The following LINGO2 variants were observed in gnomAD, a reference collection of about 807,000 sequenced individuals.
LINGO2 encodes the protein leucine-rich repeat and immunoglobulin-like domain-containing nogo receptor-interacting protein 2.
A neutral mutation model predicts 30.6 loss-of-function variants in LINGO2; 14 were observed. The ratio of observed to expected loss-of-function variants is 0.46; its 90% CI spans 0.30 to 0.72. The LOEUF (loss-of-function observed/expected upper bound fraction) is 0.72. Among genes scored for constraint, LINGO2 ranks in the 30% least tolerant of loss-of-function variants. The pLI, the probability that LINGO2 is intolerant of heterozygous loss-of-function variation, is 0.07. For synonymous variants in LINGO2, 317 were observed against 288.5 expected (o/e 1.10, Z -1.00); for missense variants, 729 against 751.7 (o/e 0.97, Z 0.35).
At chr9:28,973,600 C>A in the LINGO2 span, among the ~76,000 whole-genome samples, 1 of 152,164 alleles carries the variant, frequency 6.6e-6, no homozygotes, top group Non-Finnish European at 1.5e-5. Flanking sequence ...TCTTGCTCCC[C>A]CTTTGCTTCT....
chr9:28,479,933 A>G (rs1205871143), intron 1 of LINGO2, among the ~76,000 whole-genome samples: 45 of 120,458 alleles, frequency 3.7e-4, no homozygotes, highest in African/African-American at 1.7e-3. Context: ...ATATATATAT[A>G]TATATATATA....
chr9:27,987,285 C>T (rs1236399078), intron 5 of LINGO2, among the ~76,000 whole-genome samples: 1 of 151,660 alleles, frequency 6.6e-6, no homozygotes, highest in African/African-American at 2.4e-5. Context: ...TCCCTCCCTC[C>T]CGTCTTTCCT....
chr9:28,954,789 A>T, the LINGO2 span, among the ~76,000 whole-genome samples: 1 of 152,184 alleles, frequency 6.6e-6, no homozygotes, highest in Non-Finnish European at 1.5e-5. Context: ...TGTTTCTAGG[A>T]ACTTGAGTAT....
the LINGO2 span, among the ~76,000 whole-genome samples, chr9:28,893,730 CT>C: frequency 0.85 from 128,959 of 151,428 alleles, 55,086 homozygotes; most frequent in Non-Finnish European, 0.89. Context: ...GTTATTCACA[CT>C]TTTTTTTAAT....
At chr9:28,295,998 G>C (rs1470405157) in intron 3 of LINGO2, among the ~76,000 whole-genome samples, 2 of 152,148 alleles carry the variant, frequency 1.3e-5, no homozygotes, top group Non-Finnish European at 2.9e-5. Flanking sequence ...TACTGTAAGA[G>C]AGTAACCAAT....
At chr9:28,882,813 T>C in the LINGO2 span, among the ~76,000 whole-genome samples, 1 of 152,132 alleles carries the variant, frequency 6.6e-6, no homozygotes, top group African/African-American at 2.4e-5. Context: ...GTCAATTAAT[T>C]TTCATTCCCT....
the LINGO2 span, among the ~76,000 whole-genome samples, chr9:28,845,798 T>C: frequency 6.6e-6 from 1 of 151,748 alleles, no homozygotes. Flanking sequence ...AAAAATAAAA[T>C]GTTTTAGATA....
the LINGO2 span, among the ~76,000 whole-genome samples, chr9:28,971,047 C>T: frequency 6.6e-6 from 1 of 152,206 alleles, no homozygotes; most frequent in East Asian, 1.9e-4. Flanking sequence ...CCAGCTCAGC[C>T]ACAGCAGGAT....
the LINGO2 span, among the ~76,000 whole-genome samples, chr9:28,819,720 G>T: frequency 6.6e-6 from 1 of 152,120 alleles, no homozygotes; most frequent in Admixed American, 6.5e-5. Flanking sequence ...AGGTCCTGTG[G>T]CAGAGCACGT....
intron 5 of LINGO2, among the ~76,000 whole-genome samples, chr9:27,985,506 C>A (rs1177645592): frequency 6.6e-6 from 1 of 151,806 alleles, no homozygotes; most frequent in Non-Finnish European, 1.5e-5. Context: ...ATTAATAATA[C>A]CAAGTTTCTG....
chr9:28,861,062 A>G, the LINGO2 span, among the ~76,000 whole-genome samples: 2 of 126,384 alleles, frequency 1.6e-5, no homozygotes, highest in South Asian at 4.4e-4. Flanking sequence ...TATAATATGT[A>G]TTATTAATAT....
the LINGO2 span, among the ~76,000 whole-genome samples, chr9:28,870,853 G>T: frequency 6.6e-6 from 1 of 151,986 alleles, no homozygotes; most frequent in African/African-American, 2.4e-5. Flanking sequence ...ACAGCATCAA[G>T]ATATTTATTC....
the LINGO2 span, among the ~76,000 whole-genome samples, chr9:28,689,714 C>G: frequency 6.6e-6 from 1 of 151,924 alleles, no homozygotes; most frequent in Non-Finnish European, 1.5e-5. Context: ...GGGTATATAC[C>G]CAAGGTAATA....
intron 4 of LINGO2, among the ~76,000 whole-genome samples, chr9:28,035,097 T>G (rs1334359938): frequency 6.6e-6 from 1 of 152,190 alleles, no homozygotes; most frequent in Non-Finnish European, 1.5e-5. Flanking sequence ...AAACCAAAAA[T>G]TATGCATTAG....
chr9:28,143,687 AG>A (rs1827736454), intron 4 of LINGO2, among the ~76,000 whole-genome samples: 1 of 151,272 alleles, frequency 6.6e-6, no homozygotes, highest in South Asian at 2.1e-4. Context: ...TGTTTAACAT[AG>A]AACAAACATG....
At position 28,305,305 on chromosome 9, in the gene LINGO2, T is replaced by C. The variant is rs146621089; in HGVS notation, c.-245-9939A>G. 2.7e-3 allele frequency among the ~76,000 whole-genome samples: 407 copies of C among 152,096 alleles called. 2 individuals are homozygous for C. Among genetic ancestry groups the C allele is most frequent in the African/African-American group, 9.4e-3 (389 of 41,536 alleles). The stretch of plus-strand genomic sequence containing the variant: ...AAGTCTGAATGCTTTCTTATTAAGA[T>C]CAGGAAAAGGCAAGGATGTCAGCTC... On this transcript the variant is annotated intron_variant, in intron 3 of 5. Transcript: ENST00000379992.
chr9:28,363,769 G>T (rs376738356), intron 3 of LINGO2, among the ~76,000 whole-genome samples: 1 of 151,816 alleles, frequency 6.6e-6, no homozygotes, highest in African/African-American at 2.4e-5. Flanking sequence ...TGAGATTCCT[G>T]TTCCATGTGC....
the LINGO2 span, among the ~76,000 whole-genome samples, chr9:28,703,414 A>G: frequency 6.6e-6 from 1 of 151,568 alleles, no homozygotes; most frequent in Non-Finnish European, 1.5e-5. Context: ...CTCCATTGGC[A>G]TTTTCCATTT....
chr9:28,351,354 A>G (rs1819877945), intron 3 of LINGO2, among the ~76,000 whole-genome samples: 1 of 147,734 alleles, frequency 6.8e-6, no homozygotes, highest in Non-Finnish European at 1.5e-5. Context: ...AACTACCATC[A>G]GAGAATACTA....
Sources: allele counts gnomAD v4.1 joint callset (sites outside exome capture counted in the v4.1 genomes callset), GRCh38; gene constraint gnomAD v4.1.1; transcripts MANE v1.5; gene names NCBI Gene and HGNC (gene_info 2026-07-23, HGNC 2026-07-21).